The following NCOA2 variants were observed in gnomAD, a reference collection of about 807,000 sequenced individuals.
NCOA2 encodes nuclear receptor coactivator 2, also known as class E basic helix-loop-helix protein 75.
In NCOA2, 21 loss-of-function variants were observed where a neutral mutation model predicts 145.1. The observed-to-expected ratio is 0.14, with a 90% confidence interval of 0.10 to 0.21. The LOEUF (loss-of-function observed/expected upper bound fraction) is 0.21. NCOA2 is among the 10% of genes least tolerant of loss of function. The probability of loss-of-function intolerance (pLI) is 1.00; values close to 1 mark genes in which losing one functional copy is unlikely to be tolerated. For missense variants in NCOA2, 1,472 were observed against 1,837.6 expected (o/e 0.80, Z 3.64); for synonymous variants, 619 against 637.5 (o/e 0.97, Z 0.44).
At chr8:70,122,737 A>G (rs1399823611) in intron 21 of NCOA2, among the ~76,000 whole-genome samples, 2 of 152,248 alleles carry the variant, frequency 1.3e-5, no homozygotes, top group African/African-American at 4.8e-5. Flanking sequence ...TAAAACACGG[A>G]AGCTCTGTAA....
At chr8:70,127,467 A>C (rs984512590) in intron 18 of NCOA2, among the ~76,000 whole-genome samples, 1 of 152,190 alleles carries the variant, frequency 6.6e-6, no homozygotes, top group African/African-American at 2.4e-5. Flanking sequence ...GACGTGGTGC[A>C]CTTCACAAAA....
chr8:70,155,827 G>A (rs1472522312), intron 11 of NCOA2, 144 bp downstream of exon 11: 2 of 699,258 alleles, frequency 2.9e-6, no homozygotes, highest in Non-Finnish European at 2.3e-6. Context: ...GAAACACACA[G>A]CTTCAGCGAG....
intron 1 of NCOA2, among the ~76,000 whole-genome samples, chr8:70,342,334 T>C (rs1209097829): frequency 6.6e-6 from 1 of 152,066 alleles, no homozygotes; most frequent in Non-Finnish European, 1.5e-5. Flanking sequence ...CTGTAGAAAA[T>C]CAAAGCTTCT....
Position 70,217,653 on chromosome 8 carries a change from C to T in NCOA2, c.-19-889G>A, listed in dbSNP as rs543491057. ...AAAAATGTAAGAAAATCAGTGTGCT[C>T]GTCATCACTAACATAATCAAAATAA... On this transcript the variant is annotated intron_variant, in intron 2 of 22. Transcript: ENST00000452400. 5.9e-5 allele frequency among the ~76,000 whole-genome samples: 9 copies of T among 152,136 alleles called. No homozygotes were observed. In the East Asian group the frequency reaches 1.5e-3, roughly 26 times the overall value.
Position 70,363,491 on chromosome 8 carries a change from A to C in NCOA2, c.-77+40209T>G, listed in dbSNP as rs571389569. Among the ~76,000 whole-genome samples the C allele has an allele frequency of 7.9e-5, 12 of 152,326 alleles. No homozygotes were observed. In the South Asian group the frequency reaches 2.5e-3, roughly 32 times the overall value. ...AATTTATGTTCCTAAATTTGTAGGCAAAAGTTTATAGCAACTTTATTCATA... is the reference window on the plus strand; with the variant it reads ...AATTTATGTTCCTAAATTTGTAGGCCAAAGTTTATAGCAACTTTATTCATA... On this transcript the variant is annotated intron_variant, in intron 1 of 22. Transcript: ENST00000452400.
chr8:70,109,860 T>C lies in NCOA2; in HGVS notation c.*3772A>G, dbSNP rs1806392853. 2.2e-5 allele frequency: 4 copies of C among 181,474 alleles called. No homozygotes were observed. Among genetic ancestry groups the C allele is most frequent in the Admixed American group, 1.3e-4 (2 of 15,970 alleles). 11.2% of individuals were successfully genotyped at this position (181,474 alleles called of 1,614,324 possible). A position where few individuals can be genotyped will look rare whatever the true frequency, so the allele number is the denominator to read the frequency against. Reference sequence around the variant, plus strand: ...TTATTTACAATAGCATTATTTAACATCAAATAAGCAAATAGCATCAGCAAA... The same window carrying C: ...TTATTTACAATAGCATTATTTAACACCAAATAAGCAAATAGCATCAGCAAA... On this transcript the variant is annotated 3_prime_UTR_variant, in exon 23 of 23. Transcript: ENST00000452400.
intron 4 of NCOA2, among the ~76,000 whole-genome samples, chr8:70,205,153 A>G (rs1270653974): frequency 6.6e-6 from 1 of 152,196 alleles, no homozygotes; most frequent in East Asian, 1.9e-4. Flanking sequence ...ACAGTACCAG[A>G]GATGTCAAAG....
At chr8:70,150,760 G>A (rs1019393653) in intron 11 of NCOA2, among the ~76,000 whole-genome samples, 1 of 152,156 alleles carries the variant, frequency 6.6e-6, no homozygotes, top group African/African-American at 2.4e-5. Flanking sequence ...GTCCTCCAAG[G>A]ACAGTGCCTA....
chr8:70,195,634 A>AT (rs999681271), intron 4 of NCOA2, among the ~76,000 whole-genome samples: 10 of 152,154 alleles, frequency 6.6e-5, no homozygotes, highest in Non-Finnish European at 1.3e-4. Context: ...CTTATGTTCT[A>AT]TATTTTATCT....
At chr8:70,371,005 C>T (rs1002148183) in intron 1 of NCOA2, among the ~76,000 whole-genome samples, 6 of 151,988 alleles carry the variant, frequency 3.9e-5, no homozygotes, top group African/African-American at 1.2e-4. Flanking sequence ...TAAAGGTAAC[C>T]GGCCGGGCAC....
intron 1 of NCOA2, among the ~76,000 whole-genome samples, chr8:70,321,898 G>A (rs967134880): frequency 4.1e-5 from 6 of 147,964 alleles, no homozygotes; most frequent in Admixed American, 6.9e-5. Flanking sequence ...GGAGGCCCAG[G>A]CGGGGGGATC....
chr8:70,231,681 T>C (rs1054213365), intron 2 of NCOA2, among the ~76,000 whole-genome samples: 1 of 152,156 alleles, frequency 6.6e-6, no homozygotes, highest in African/African-American at 2.4e-5. Context: ...GGCCACCACT[T>C]CCCTGCAGTC....
chr8:70,381,301 C>T (rs181381580), intron 1 of NCOA2, among the ~76,000 whole-genome samples: 31 of 152,198 alleles, frequency 2.0e-4, no homozygotes, highest in African/African-American at 5.8e-4. Flanking sequence ...AGAAAAACAG[C>T]GTAATAACAA....
At chr8:70,210,429 T>C (rs1165668677) in intron 4 of NCOA2, among the ~76,000 whole-genome samples, 1 of 152,194 alleles carries the variant, frequency 6.6e-6, no homozygotes, top group African/African-American at 2.4e-5. Context: ...AATTCTCTAT[T>C]TGATGGCAGT....
At chr8:70,349,006 C>T (rs771591096) in intron 1 of NCOA2, among the ~76,000 whole-genome samples, 2 of 122,434 alleles carry the variant, frequency 1.6e-5, no homozygotes, top group African/African-American at 3.3e-5. Flanking sequence ...GGGGGCATGG[C>T]AGTGGGGGAT....
At chr8:70,223,333 A>G in intron 2 of NCOA2, among the ~76,000 whole-genome samples, 1 of 152,234 alleles carries the variant, frequency 6.6e-6, no homozygotes, top group Non-Finnish European at 1.5e-5. Flanking sequence ...GAGAAAGTTA[A>G]CTGGCAAGGT....
At chr8:70,274,218 A>C (rs1473670245) in intron 2 of NCOA2, among the ~76,000 whole-genome samples, 6 of 152,118 alleles carry the variant, frequency 3.9e-5, no homozygotes, top group African/African-American at 1.4e-4. Context: ...AAAAAAAAAA[A>C]AAAACCTTAC....
chr8:70,139,634 C>T (rs973701710), intron 14 of NCOA2, among the ~76,000 whole-genome samples: 33 of 147,842 alleles, frequency 2.2e-4, no homozygotes, highest in African/African-American at 3.8e-4. Flanking sequence ...GTCAAAACAA[C>T]GCTGGCCATC....
At chr8:70,280,512 T>C (rs1825795470) in intron 2 of NCOA2, among the ~76,000 whole-genome samples, 1 of 152,218 alleles carries the variant, frequency 6.6e-6, no homozygotes, top group Admixed American at 6.5e-5. Flanking sequence ...ATAGAAATAC[T>C]GACCCATACA....
Sources: allele counts gnomAD v4.1 joint callset (sites outside exome capture counted in the v4.1 genomes callset), GRCh38; gene constraint gnomAD v4.1.1; transcripts MANE v1.5; gene names NCBI Gene and HGNC (gene_info 2026-07-23, HGNC 2026-07-21).